The following OTUD7A variants were observed in gnomAD, a reference collection of about 807,000 sequenced individuals.
OTUD7A encodes the protein OTU domain-containing protein 7A.
A neutral mutation model predicts 65.7 loss-of-function variants in OTUD7A; 12 were observed. That is an observed-to-expected ratio of 0.18 (90% CI 0.12 to 0.30). The LOEUF (loss-of-function observed/expected upper bound fraction) is 0.30. Among genes scored for constraint, OTUD7A ranks in the 10% least tolerant of loss-of-function variants. The pLI is 1.00. For synonymous variants in OTUD7A, 641 were observed against 586.3 expected (o/e 1.09, Z -1.35); for missense variants, 1,148 against 1,304.8 (o/e 0.88, Z 1.85).
intron 1 of OTUD7A, among the ~76,000 whole-genome samples, chr15:31,828,470 A>T (rs752849583): frequency 6.6e-6 from 1 of 152,198 alleles, no homozygotes; most frequent in Non-Finnish European, 1.5e-5. Flanking sequence ...AACACACAAG[A>T]TCCTCTCTTC....
chr15:31,823,567 G>A (rs2140975237), intron 1 of OTUD7A, among the ~76,000 whole-genome samples: 1 of 152,316 alleles, frequency 6.6e-6, no homozygotes, highest in East Asian at 1.9e-4. Flanking sequence ...TAAGCGTAAA[G>A]TTAGCAAAAT....
At position 31,480,321 on chromosome 15, in the gene OTUD7A, A is replaced by C. The variant is rs189940384; in HGVS notation, c.*2973T>G. ...AGATAACAAATGTGCAGGAAATGTA[A>C]AGTAAATTTCTGAAATAACCTTCGC... On this transcript the variant is annotated 3_prime_UTR_variant, in exon 13 of 13. Coordinates refer to ENST00000307050, the MANE Select transcript of OTUD7A (RefSeq NM_001382637.1). 3.3e-5 allele frequency: 5 copies of C among 152,368 alleles called. No individual in the cohort carries two copies. The highest frequency in any genetic ancestry group is 1.2e-4 in the African/African-American group (5 of 41,584). The allele number at this position is 152,368 out of a possible 1,614,324, so 9.4% of individuals were successfully genotyped here. A position where few individuals can be genotyped will look rare whatever the true frequency, so the allele number is the denominator to read the frequency against.
At chr15:31,851,881 C>T (rs1897435532) in intron 1 of OTUD7A, among the ~76,000 whole-genome samples, 1 of 152,140 alleles carries the variant, frequency 6.6e-6, no homozygotes, top group Non-Finnish European at 1.5e-5. Context: ...TGTTTTGAGA[C>T]AGGGTGTCGC....
intron 1 of OTUD7A, among the ~76,000 whole-genome samples, chr15:31,769,911 A>G (rs1319882267): frequency 6.6e-6 from 1 of 152,218 alleles, no homozygotes; most frequent in African/African-American, 2.4e-5. Flanking sequence ...TAAAATCTAT[A>G]TGTGTGTTAA....
rs187062779 is a variant in OTUD7A at position 31,587,439 on chromosome 15, C to T, written c.152-17242G>A. Among the ~76,000 whole-genome samples the T allele has an allele frequency of 1.3e-4, 19 of 151,990 alleles. No individual in the cohort carries two copies. In the East Asian group the frequency reaches 3.7e-3, roughly 30 times the overall value. ...GATCACGAGGTCAGGAGTTCAAGAC[C>T]AGCCTGGCCAAGATGGTGAAACCCC... is the stretch of plus-strand genomic sequence containing the variant. On this transcript the variant is annotated intron_variant, in intron 3 of 12. Transcript: ENST00000307050.
At chr15:31,753,216 A>G (rs1894686068) in intron 1 of OTUD7A, among the ~76,000 whole-genome samples, 1 of 151,982 alleles carries the variant, frequency 6.6e-6, no homozygotes, top group African/African-American at 2.4e-5. Flanking sequence ...ATAGTGAAAA[A>G]GGCAAATGAC....
intron 3 of OTUD7A, among the ~76,000 whole-genome samples, chr15:31,614,862 A>G (rs887907367): frequency 6.6e-6 from 1 of 152,196 alleles, no homozygotes; most frequent in Non-Finnish European, 1.5e-5. Context: ...TATACAAGGC[A>G]GAAGGGGCTA....
intron 1 of OTUD7A, among the ~76,000 whole-genome samples, chr15:31,843,123 G>A (rs1304253860): frequency 6.6e-6 from 1 of 151,968 alleles, no homozygotes; most frequent in Admixed American, 6.5e-5. Flanking sequence ...GCATATGTGA[G>A]GAGTCGGGAA....
intron 8 of OTUD7A, among the ~76,000 whole-genome samples, chr15:31,518,813 C>T (rs1386131307): frequency 2.0e-5 from 3 of 152,260 alleles, no homozygotes; most frequent in Non-Finnish European, 2.9e-5. Flanking sequence ...CTATGTCCTG[C>T]TGTGGGCCTT....
At chr15:31,700,522 T>A (rs568999259) in intron 1 of OTUD7A, among the ~76,000 whole-genome samples, 4 of 152,238 alleles carry the variant, frequency 2.6e-5, no homozygotes, top group African/African-American at 7.2e-5. Context: ...GAACTTCAGA[T>A]CTCTTTCTCT....
intron 1 of OTUD7A, among the ~76,000 whole-genome samples, chr15:31,779,444 T>G (rs1471627731): frequency 6.6e-6 from 1 of 152,222 alleles, no homozygotes; most frequent in Non-Finnish European, 1.5e-5. Flanking sequence ...CCTGTTACAT[T>G]AGAACTATCT....
chr15:31,540,698 A>G (rs1172773160), intron 5 of OTUD7A, among the ~76,000 whole-genome samples: 1 of 152,200 alleles, frequency 6.6e-6, no homozygotes, highest in Non-Finnish European at 1.5e-5. Flanking sequence ...ACAGGTCCAA[A>G]ATCCTGAGTT....
chr15:31,649,494 T>C (rs1891773083), intron 3 of OTUD7A, among the ~76,000 whole-genome samples: 1 of 152,234 alleles, frequency 6.6e-6, no homozygotes, highest in Non-Finnish European at 1.5e-5. Flanking sequence ...TGAGGATTTA[T>C]TTCCCTTTAG....
intron 1 of OTUD7A, among the ~76,000 whole-genome samples, chr15:31,799,582 C>A (rs111435836): frequency 0.014 from 2,093 of 152,274 alleles, 42 homozygotes; most frequent in African/African-American, 0.048. Flanking sequence ...TGTGAGGACA[C>A]AGGGAGAAGG....
At chr15:31,770,957 G>A (rs1003650762) in intron 1 of OTUD7A, among the ~76,000 whole-genome samples, 3 of 152,140 alleles carry the variant, frequency 2.0e-5, no homozygotes, top group Non-Finnish European at 2.9e-5. Flanking sequence ...CAGACTTGAC[G>A]GTGCAAGTGT....
At chr15:31,733,115 A>T (rs1243650691) in intron 1 of OTUD7A, among the ~76,000 whole-genome samples, 5 of 152,218 alleles carry the variant, frequency 3.3e-5, no homozygotes, top group East Asian at 1.9e-4. Flanking sequence ...GATCCTGGGG[A>T]CGTGCAAACC....
In OTUD7A at chr15:31,479,363, TG is replaced by T. The variant is rs987728404; in HGVS notation, c.*3930del. 1 of 152,084 alleles carries T rather than the reference TG, an allele frequency of 6.6e-6. No homozygotes were observed. The highest frequency in any genetic ancestry group is 1.5e-5 in the Non-Finnish European group (1 of 68,004). 9.4% of individuals were successfully genotyped at this position (152,084 alleles called of 1,614,324 possible). ...TGAGGAAAGAAAAAGGACAGAACAC[TG>T]GGGGTACTTAATTTTAAAGTCCACA... On this transcript the variant is annotated 3_prime_UTR_variant, in exon 13 of 13. Transcript: ENST00000307050.
At chr15:31,754,065 G>T (rs537903007) in intron 1 of OTUD7A, among the ~76,000 whole-genome samples, 1 of 152,196 alleles carries the variant, frequency 6.6e-6, no homozygotes, top group South Asian at 2.1e-4. Flanking sequence ...CATTCTTGCA[G>T]GAGTAAGGTG....
chr15:31,479,685 T>G lies in OTUD7A; in HGVS notation c.*3609A>C. 1 of 139,672 alleles carries G rather than the reference T, an allele frequency of 7.2e-6. No homozygotes were observed. Among genetic ancestry groups the G allele is most frequent in the South Asian group, 2.2e-4 (1 of 4,502 alleles). 8.7% of individuals were successfully genotyped at this position (139,672 alleles called of 1,614,324 possible). ...GTGGGGGGGGGGGGTGATGGGCCCA[T>G]GACCCCTCCCCAGAGACAGGGCGGG... On this transcript the variant is annotated 3_prime_UTR_variant, in exon 13 of 13. Coordinates refer to ENST00000307050, the MANE Select transcript of OTUD7A (RefSeq NM_001382637.1).
Sources: gnomAD v4.1 joint callset for allele counts (sites outside exome capture counted in the v4.1 genomes callset) on GRCh38, gnomAD v4.1.1 for gene constraint, MANE v1.5 for transcripts, NCBI Gene and HGNC (gene_info 2026-07-23, HGNC 2026-07-21) for gene names.